Variants in PET117 observed in about 807,000 individuals in gnomAD.
The protein encoded by PET117 is protein PET117 homolog, mitochondrial.
In PET117, 10 loss-of-function variants were observed where a neutral mutation model predicts 9.2. The ratio of observed to expected loss-of-function variants is 1.09; its 90% confidence interval spans 0.67 to 1.85. PET117 has a LOEUF of 1.85. Ranked by LOEUF, PET117 falls within the 40% of genes most tolerant of loss-of-function variation. The pLI is 0.00. For synonymous variants in PET117, 43 were observed against 37.1 expected, an observed-to-expected ratio of 1.16 and a Z score of -0.57; for missense variants, 96 against 98.2, an observed-to-expected ratio of 0.98 and a Z score of 0.09.
At chr20:18,140,810 CTCCT>C (rs1181136472) in intron 1 of PET117, among the ~76,000 whole-genome samples, 1 of 119,920 alleles carries the variant, frequency 8.3e-6, no homozygotes, top group Non-Finnish European at 1.7e-5. Flanking sequence ...CAGAACGAGA[CTCCT>C]TCTCAAAAAA....
At chr20:18,141,930 TTTCTG>T (rs1466366442) in intron 1 of PET117, among the ~76,000 whole-genome samples, 1 of 152,188 alleles carries the variant, frequency 6.6e-6, no homozygotes, top group South Asian at 2.1e-4. Flanking sequence ...CAGTTTTTTT[TTTCTG>T]TTATTTCCCA....
intron 1 of PET117, among the ~76,000 whole-genome samples, chr20:18,140,012 C>T (rs1456001203): frequency 6.6e-6 from 1 of 152,064 alleles, no homozygotes; most frequent in Non-Finnish European, 1.5e-5. Flanking sequence ...CAGTGAGGGT[C>T]ACAGGAAGGA....
rs1018900682 is a variant in PET117, at chr20:18,138,047, A to T, written c.92A>T (p.Gln31Leu). The change falls in exon 1 of 2, where the codon CAG becomes CTG. Residue 31 changes from glutamine to leucine, a missense_variant. Physicochemically the swap from Gln to Leu is moderately radical, Grantham distance 113. Transcript: ENST00000432901. Reference protein sequence around the residue: ...AGVHVKQQWDQQRLRDGVIRD... With the variant: ...AGVHVKQQWDLQRLRDGVIRD... Reference sequence around the variant, plus strand: ...GTACATGTGAAGCAGCAGTGGGACCAGCAGGTCGGTGTCACGTGACCGTCT... The same window carrying T: ...GTACATGTGAAGCAGCAGTGGGACCTGCAGGTCGGTGTCACGTGACCGTCT... The T allele has an allele frequency of 2.0e-6, 3 of 1,484,124 alleles. No individual in the cohort carries two copies. The highest frequency in any genetic ancestry group is 1.3e-5 in the South Asian group (1 of 78,968). The allele number at this position is 1,484,124 out of a possible 1,614,324, so 91.9% of individuals were successfully genotyped here.
chr20:18,140,091 A>T (rs1374899789), intron 1 of PET117, among the ~76,000 whole-genome samples: 3 of 152,162 alleles, frequency 2.0e-5, no homozygotes, highest in Non-Finnish European at 4.4e-5. Context: ...GGAGAGCCAG[A>T]TCATAAGCAC....
rs2037360058 is a variant in PET117, at chr20:18,138,059, T to A, written c.96+8T>A. On this transcript the variant is annotated splice_region_variant and intron_variant, in intron 1 of 1. Transcript: ENST00000432901. Reference sequence around the variant, plus strand: ...CAGCAGTGGGACCAGCAGGTCGGTGTCACGTGACCGTCTCTTCCGGGCCCG... The same window carrying A: ...CAGCAGTGGGACCAGCAGGTCGGTGACACGTGACCGTCTCTTCCGGGCCCG... 1.4e-6 allele frequency: 2 copies of A among 1,470,520 alleles called. No homozygotes were observed. The highest frequency in any genetic ancestry group is 3.5e-4 in the Middle Eastern group (2 of 5,782). 91.1% of individuals were successfully genotyped at this position (1,470,520 alleles called of 1,614,324 possible). A position where few individuals can be genotyped will look rare whatever the true frequency, so the allele number is the denominator to read the frequency against.
At position 18,142,946 on chromosome 20, in the gene PET117, T is replaced by G; in HGVS notation, c.*589T>G. On this transcript the variant is annotated 3_prime_UTR_variant, in exon 2 of 2. Coordinates refer to ENST00000432901, the MANE Select transcript of PET117 (RefSeq NM_001164811.2). ...TAAGGAGCTTCTCAATTCCTTTGAT[T>G]TGTCAATTCCTGTGTGAAGGTTTGT... 1 of 1,607,812 alleles carries G rather than the reference T, an allele frequency of 6.2e-7. No individual in the cohort carries two copies. The highest frequency in any genetic ancestry group is 8.5e-7 in the Non-Finnish European group (1 of 1,174,794).
At chr20:18,138,815 G>A (rs2037406430) in intron 1 of PET117, among the ~76,000 whole-genome samples, 1 of 152,118 alleles carries the variant, frequency 6.6e-6, no homozygotes, top group Non-Finnish European at 1.5e-5. Flanking sequence ...TTTAATGGGT[G>A]ATTACTGTGT....
rs1174073080 is a variant in PET117 at position 18,137,944 on chromosome 20, G to C, written c.-12G>C. 6.8e-7 allele frequency: 1 copy of C among 1,479,864 alleles called. No homozygotes were observed. The highest frequency in any genetic ancestry group is 1.5e-5 in the African/African-American group (1 of 68,042). The allele number at this position is 1,479,864 out of a possible 1,614,324, so 91.7% of individuals were successfully genotyped here. The stretch of plus-strand genomic sequence containing the variant: ...CGGGCGGGAGAGAGAGGCCGCGGCC[G>C]CCAGCGTGGGGATGTCTAGGAGCTC... On this transcript the variant is annotated 5_prime_UTR_variant, in exon 1 of 2. Coordinates refer to ENST00000432901, the MANE Select transcript of PET117 (RefSeq NM_001164811.2).
intron 1 of PET117, chr20:18,138,259 C>A (rs957086839): frequency 1.6e-6 from 2 of 1,234,698 alleles, no homozygotes; most frequent in Non-Finnish European, 2.0e-6. Context: ...CGTGTGCAGC[C>A]CGCAGATTCA....
intron 1 of PET117, among the ~76,000 whole-genome samples, chr20:18,141,047 A>T (rs6136308): frequency 0.42 from 37,783 of 90,938 alleles, 7,617 homozygotes; most frequent in East Asian, 0.57. Flanking sequence ...TTTTTTTTTT[A>T]TTTTTATTTT....
At chr20:18,138,311 G>A (rs1462057999) in intron 1 of PET117, 2 of 1,173,992 alleles carry the variant, frequency 1.7e-6, no homozygotes, top group East Asian at 3.9e-5. Flanking sequence ...GGAGCTCCGC[G>A]CTGAAGGGGC....
chr20:18,141,193 TTAGAG>T (rs1409148355), intron 1 of PET117, among the ~76,000 whole-genome samples: 2 of 151,892 alleles, frequency 1.3e-5, no homozygotes, highest in East Asian at 3.9e-4. Context: ...CCTAAAACCT[TTAGAG>T]TATTTTGTGA....
At chr20:18,140,592 T>C (rs1019408844) in intron 1 of PET117, among the ~76,000 whole-genome samples, 1 of 151,664 alleles carries the variant, frequency 6.6e-6, no homozygotes, top group African/African-American at 2.4e-5. Context: ...GGCAGATCAT[T>C]TGAGGTCAGG....
In PET117 at chr20:18,137,868, T is replaced by C. The variant is rs1197241327; in HGVS notation, c.-88T>C. 41 of 1,327,246 alleles carry C rather than the reference T, an allele frequency of 3.1e-5. No homozygotes were observed. The highest frequency in any genetic ancestry group is 3.9e-5 in the Non-Finnish European group (40 of 1,022,896). The allele number at this position is 1,327,246 out of a possible 1,614,324, so 82.2% of individuals were successfully genotyped here. ...GGCTCTGCGCTCGAGGGGTCGAGCC[T>C]GGGCAGTACAGGCGGCGGTGCGCAC... On this transcript the variant is annotated 5_prime_UTR_variant, in exon 1 of 2. Coordinates refer to ENST00000432901, the MANE Select transcript of PET117 (RefSeq NM_001164811.2).
chr20:18,142,111 A>G, intron 1 of PET117, 97 bp from the exon 2 acceptor site: 1 of 1,245,030 alleles, frequency 8.0e-7, no homozygotes, highest in South Asian at 1.9e-5. Flanking sequence ...GAAAGTTTTA[A>G]GTATATTTTG....
At chr20:18,138,109 T>A in intron 1 of PET117, 58 bp downstream of exon 1, 1 of 1,418,226 alleles carries the variant, frequency 7.1e-7, no homozygotes, top group Non-Finnish European at 9.2e-7. Context: ...ACCTGGGGCC[T>A]CTCGTGGTCT....
Position 18,142,927 on chromosome 20 carries a change from G to C in PET117, c.*570G>C. 6.2e-7 allele frequency: 1 copy of C among 1,612,002 alleles called. No individual in the cohort carries two copies. Among genetic ancestry groups the C allele is most frequent in the Non-Finnish European group, 8.5e-7 (1 of 1,178,122 alleles). On this transcript the variant is annotated 3_prime_UTR_variant, in exon 2 of 2. Transcript: ENST00000432901. ...AAAAATGGATACCAGCCAGTAAGGA[G>C]CTTCTCAATTCCTTTGATTTGTCAA...
chr20:18,141,768 C>T (rs1401944945), intron 1 of PET117, among the ~76,000 whole-genome samples: 1 of 152,156 alleles, frequency 6.6e-6, no homozygotes, highest in Non-Finnish European at 1.5e-5. Flanking sequence ...CCTGTAGTCT[C>T]AGCTACTCGG....
chr20:18,137,877 C>T lies in PET117; in HGVS notation c.-79C>T, dbSNP rs1223501402. Reference sequence around the variant, plus strand: ...CTCGAGGGGTCGAGCCTGGGCAGTACAGGCGGCGGTGCGCACTCTGCGGCG... The same window carrying T: ...CTCGAGGGGTCGAGCCTGGGCAGTATAGGCGGCGGTGCGCACTCTGCGGCG... On this transcript the variant is annotated 5_prime_UTR_variant, in exon 1 of 2. Transcript: ENST00000432901. 1.5e-5 allele frequency: 20 copies of T among 1,377,008 alleles called. No homozygotes were observed. Among genetic ancestry groups the T allele is most frequent in the Middle Eastern group, 2.6e-4 (1 of 3,834 alleles). The allele number at this position is 1,377,008 out of a possible 1,614,324, so 85.3% of individuals were successfully genotyped here.
Sources: gnomAD v4.1 joint callset for allele counts (sites outside exome capture counted in the v4.1 genomes callset) on GRCh38, gnomAD v4.1.1 for gene constraint, MANE v1.5 for transcripts, NCBI Gene and HGNC (gene_info 2026-07-23, HGNC 2026-07-21) for gene names.